RAF1: variants seen among roughly 807,000 people sequenced by gnomAD.
The protein encoded by RAF1 is RAF proto-oncogene serine/threonine-protein kinase.
In RAF1, 27 loss-of-function variants were observed where a neutral mutation model predicts 81.1. The ratio of observed to expected loss-of-function variants is 0.33; its 90% confidence interval spans 0.25 to 0.46. The LOEUF (loss-of-function observed/expected upper bound fraction) is 0.46, where lower values mean the gene tolerates loss of function less well. RAF1 is among the 20% of genes least tolerant of loss of function. RAF1 has a pLI of 1.00. For missense variants in RAF1, 598 were observed against 826.0 expected (o/e 0.72, Z 3.38); for synonymous variants, 298 against 294.0 (o/e 1.01, Z -0.14).
chr3:12,604,400 C>T (rs2125399692), intron 6 of RAF1, 111 bp from the exon 7 acceptor site: 2 of 1,100,264 alleles, frequency 1.8e-6, no homozygotes, highest in Non-Finnish European at 2.7e-6. Flanking sequence ...TCTACCTGTA[C>T]AACCTTTGAC....
chr3:12,606,120 ACT>A (rs1292943611), intron 6 of RAF1, 79 bp downstream of exon 6: 1 of 1,029,512 alleles, frequency 9.7e-7, no homozygotes, highest in African/African-American at 1.6e-5. Flanking sequence ...ATGCGAAGAA[ACT>A]CTTATTTTTT....
At chr3:12,598,351 C>T (rs1246040377) in intron 11 of RAF1, among the ~76,000 whole-genome samples, 1 of 152,168 alleles carries the variant, frequency 6.6e-6, no homozygotes, top group Non-Finnish European at 1.5e-5. Context: ...TCCACATGTA[C>T]TTTACAAATG....
chr3:12,641,587 G>A (rs1478326334), intron 1 of RAF1, among the ~76,000 whole-genome samples: 1 of 150,766 alleles, frequency 6.6e-6, no homozygotes, highest in Non-Finnish European at 1.5e-5. Flanking sequence ...TGCCTCCCAG[G>A]TTCAAGGGAT....
intron 1 of RAF1, among the ~76,000 whole-genome samples, chr3:12,636,848 G>A (rs1202892706): frequency 6.6e-6 from 1 of 151,972 alleles, no homozygotes; most frequent in East Asian, 1.9e-4. Flanking sequence ...CTACATCAAT[G>A]AACAGCAGCG....
intron 1 of RAF1, among the ~76,000 whole-genome samples, chr3:12,635,344 AAAAAAAAAAAG>A (rs1318568870): frequency 2.4e-4 from 35 of 145,898 alleles, no homozygotes; most frequent in Non-Finnish European, 4.8e-4. Flanking sequence ...AAAAAAAAAA[AAAAAAAAAAAG>A]GCCAGGGGCC....
intron 8 of RAF1, chr3:12,603,435 C>T (rs945721414): frequency 6.4e-5 from 43 of 671,834 alleles, no homozygotes; most frequent in African/African-American, 1.8e-4. Flanking sequence ...TTTAGCAATC[C>T]TGTTAATTAC....
rs539836857 is a variant in RAF1, at chr3:12,603,513, T to C, written c.859A>G (p.Arg287Gly). The change falls in exon 8 of 18, where the codon AGG (arginine) becomes GGG (glycine). Residue 287 changes from arginine to glycine, a missense_variant. Coordinates refer to ENST00000442415, the MANE Select transcript of RAF1 (RefSeq NM_001354689.3). Reference sequence around the variant, plus strand: ...AAACAAAATCGTCTGGACCACGCCCTGGGAGAAGCACTCAGGTTGTTATTC... The same window carrying C: ...AAACAAAATCGTCTGGACCACGCCCCGGGAGAAGCACTCAGGTTGTTATTC... 1.6e-5 allele frequency: 11 copies of C among 701,602 alleles called. No individual in the cohort carries two copies. Among genetic ancestry groups the C allele is most frequent in the African/African-American group, 1.4e-4 (8 of 57,336 alleles). 43.5% of individuals were successfully genotyped at this position (701,602 alleles called of 1,614,324 possible).
chr3:12,645,163 G>C (rs58111931), intron 1 of RAF1, among the ~76,000 whole-genome samples: 6 of 150,904 alleles, frequency 4.0e-5, no homozygotes, highest in African/African-American at 1.5e-4. Flanking sequence ...CCAGCCTTTT[G>C]GTATTAAGGT....
chr3:12,620,783 T>C (rs1197319507), intron 1 of RAF1, among the ~76,000 whole-genome samples: 1 of 152,168 alleles, frequency 6.6e-6, no homozygotes, highest in East Asian at 1.9e-4. Flanking sequence ...CCTTTCTTTT[T>C]TGGACACAGA....
intron 1 of RAF1, among the ~76,000 whole-genome samples, chr3:12,621,082 T>C (rs1479678941): frequency 1.5e-4 from 23 of 152,184 alleles, no homozygotes; most frequent in Non-Finnish European, 3.2e-4. Flanking sequence ...TTATTAACAG[T>C]AGCTACCATT....
chr3:12,617,366 C>T (rs1374755171), intron 2 of RAF1, among the ~76,000 whole-genome samples: 2 of 152,154 alleles, frequency 1.3e-5, no homozygotes, highest in Non-Finnish European at 2.9e-5. Context: ...GAGCTGGCCT[C>T]AGCCTCCCAA....
chr3:12,641,490 G>GTTTT lies in RAF1; in HGVS notation c.-27+22319_-27+22322dup, dbSNP rs747472648. Among the ~76,000 whole-genome samples the GTTTT allele has an allele frequency of 5.9e-5, 8 of 134,606 alleles. No homozygotes were observed. In the South Asian group the frequency reaches 1.9e-3, roughly 33 times the overall value. The allele number at this position is 134,606 out of a possible 152,430, so 88.3% of individuals were successfully genotyped here. On this transcript the variant is annotated intron_variant, in intron 1 of 17. Coordinates refer to ENST00000442415, the MANE Select transcript of RAF1 (RefSeq NM_001354689.3). ...CCCCCCCAAAAAAAAATGTTTTTTG[G>GTTTT]TTTTTTTTTTTTTTTTTTTGAAACA...
intron 13 of RAF1, chr3:12,589,494 A>C (rs891815379): frequency 2.6e-5 from 4 of 152,172 alleles, no homozygotes; most frequent in African/African-American, 9.7e-5. Flanking sequence ...TCTACTTCAG[A>C]GGAGAAGTTT....
At chr3:12,632,201 G>A (rs1336876448) in intron 1 of RAF1, among the ~76,000 whole-genome samples, 1 of 151,040 alleles carries the variant, frequency 6.6e-6, no homozygotes, top group Non-Finnish European at 1.5e-5. Context: ...GCGCATGCCT[G>A]TAGTCCCAGC....
chr3:12,595,098 T>G (rs2058645216), intron 11 of RAF1, among the ~76,000 whole-genome samples: 1 of 152,158 alleles, frequency 6.6e-6, no homozygotes, highest in Non-Finnish European at 1.5e-5. Context: ...CTCTGGCTCT[T>G]GCTCTGTCAC....
chr3:12,600,099 A>G (rs2125379822), intron 10 of RAF1, 53 bp downstream of exon 9: 1 of 1,611,084 alleles, frequency 6.2e-7, no homozygotes, highest in East Asian at 2.2e-5. Flanking sequence ...ATTTCCAACG[A>G]GGTTTTTCTT....
chr3:12,617,878 C>CA (rs1263362287), intron 2 of RAF1, among the ~76,000 whole-genome samples: 44,244 of 89,218 alleles, frequency 0.5, 9,398 homozygotes, highest in East Asian at 0.86. Flanking sequence ...GAATCCGTCT[C>CA]AAAAAAAAAA....
At chr3:12,651,700 A>C (rs1439109220) in intron 1 of RAF1, among the ~76,000 whole-genome samples, 1 of 151,212 alleles carries the variant, frequency 6.6e-6, no homozygotes, top group East Asian at 1.9e-4. Flanking sequence ...ACATGTTCAA[A>C]GAGGGAGGGA....
chr3:12,663,669 T>C (rs943353194), intron 1 of RAF1, 144 bp downstream of exon 1: 1 of 365,256 alleles, frequency 2.7e-6, no homozygotes, highest in Non-Finnish European at 4.7e-6. Context: ...TACCCCAGGG[T>C]GACAACGGCC....
Sources: allele counts gnomAD v4.1 joint callset (sites outside exome capture counted in the v4.1 genomes callset), GRCh38; gene constraint gnomAD v4.1.1; transcripts MANE v1.5; gene names NCBI Gene and HGNC (gene_info 2026-07-23, HGNC 2026-07-21).